DPF3: variants seen among roughly 807,000 people sequenced by gnomAD.
The protein encoded by DPF3 is zinc finger protein DPF3.
A neutral mutation model predicts 56.8 loss-of-function variants in DPF3; 18 were observed. That is an observed-to-expected ratio of 0.32 (90% CI 0.22 to 0.47). The LOEUF (loss-of-function observed/expected upper bound fraction) is 0.47. Ranked by LOEUF, DPF3 falls within the 20% of genes least tolerant of loss-of-function variation. The pLI, the probability that DPF3 is intolerant of heterozygous loss-of-function variation, is 1.00. For synonymous variants in DPF3, 188 were observed against 180.2 expected, an observed-to-expected ratio of 1.04 and a Z score of -0.35; for missense variants, 403 against 488.8, an observed-to-expected ratio of 0.82 and a Z score of 1.65.
At chr14:72,629,578 C>A in intron 9 of DPF3, 46 bp downstream of exon 9, 1 of 1,498,258 alleles carries the variant, frequency 6.7e-7, no homozygotes, top group African/African-American at 1.4e-5. Flanking sequence ...CAAAGGACCC[C>A]AGCTCTGTGG....
rs1473319662 is a variant in DPF3, at chr14:72,615,211, A to C, written c.*4086T>G. On this transcript the variant is annotated 3_prime_UTR_variant, in exon 11 of 11. Transcript: ENST00000556509. ...CCTGGGGGGCAGGGATGTGGTCCTC[A>C]GGGCCCGCCCTGGGCCACGGGCGGC... Among the ~76,000 whole-genome samples, 1 of 152,092 alleles carries C rather than the reference A, an allele frequency of 6.6e-6. No homozygotes were observed. The highest frequency in any genetic ancestry group is 6.5e-5 in the Admixed American group (1 of 15,284).
intron 8 of DPF3, among the ~76,000 whole-genome samples, chr14:72,630,021 G>A (rs149568258): frequency 1.3e-5 from 2 of 152,150 alleles, no homozygotes; most frequent in South Asian, 4.1e-4. Context: ...AATGATCAGA[G>A]AGAACGAGAG....
intron 3 of DPF3, among the ~76,000 whole-genome samples, chr14:72,743,096 G>C (rs1193630585): frequency 2.6e-5 from 4 of 152,188 alleles, no homozygotes; most frequent in East Asian, 3.8e-4. Context: ...TTCATCCCCA[G>C]TCATTGAAGG....
intron 8 of DPF3, among the ~76,000 whole-genome samples, chr14:72,642,627 T>C (rs371344847): frequency 6.6e-6 from 1 of 152,204 alleles, no homozygotes; most frequent in East Asian, 1.9e-4. Flanking sequence ...CCAACTTGTT[T>C]CCATGGCATG....
chr14:72,817,784 T>C (rs1030900287), intron 1 of DPF3, among the ~76,000 whole-genome samples: 2 of 152,214 alleles, frequency 1.3e-5, no homozygotes, highest in African/African-American at 4.8e-5. Context: ...CTAGGCTACA[T>C]AGCAATGGAG....
chr14:72,767,066 G>A (rs924961321), intron 2 of DPF3, among the ~76,000 whole-genome samples: 2 of 152,160 alleles, frequency 1.3e-5, no homozygotes, highest in Non-Finnish European at 2.9e-5. Context: ...GCAACAACAA[G>A]GTGTTCTTCC....
chr14:72,869,530 G>T (rs1885810523), intron 1 of DPF3, among the ~76,000 whole-genome samples: 1 of 152,118 alleles, frequency 6.6e-6, no homozygotes, highest in Non-Finnish European at 1.5e-5. Context: ...GCTTCTCCTG[G>T]TCATGGCCAC....
intron 4 of DPF3, among the ~76,000 whole-genome samples, chr14:72,726,937 C>T (rs1220646670): frequency 6.6e-6 from 1 of 152,140 alleles, no homozygotes; most frequent in African/African-American, 2.4e-5. Context: ...TTGCTGGCCC[C>T]ACATCCAATC....
chr14:72,780,771 T>A (rs1599434640), intron 1 of DPF3, among the ~76,000 whole-genome samples: 1 of 125,008 alleles, frequency 8.0e-6, no homozygotes, highest in East Asian at 2.4e-4. Context: ...ATTCTCCTTC[T>A]CTGAACTTTA....
At chr14:72,847,520 G>A (rs1349526984) in intron 1 of DPF3, among the ~76,000 whole-genome samples, 1 of 151,176 alleles carries the variant, frequency 6.6e-6, no homozygotes, top group Non-Finnish European at 1.5e-5. Flanking sequence ...TTTTTTCAGC[G>A]GGGGCAGGGG....
chr14:72,696,053 A>G (rs1887887290), intron 6 of DPF3, among the ~76,000 whole-genome samples: 2 of 152,200 alleles, frequency 1.3e-5, no homozygotes, highest in Admixed American at 1.3e-4. Context: ...CTTTTTAGAT[A>G]ATCTGAAGTT....
chr14:72,866,639 C>T (rs1885681096), intron 1 of DPF3, among the ~76,000 whole-genome samples: 1 of 150,464 alleles, frequency 6.6e-6, no homozygotes, highest in African/African-American at 2.4e-5. Flanking sequence ...GGCGGATCAC[C>T]TGAGGTTGGG....
chr14:72,649,660 T>TGGGGGTGGG (rs1885841590), intron 8 of DPF3, among the ~76,000 whole-genome samples: 2 of 61,084 alleles, frequency 3.3e-5, no homozygotes, highest in African/African-American at 1.0e-4. Context: ...CATCCCTGGG[T>TGGGGGTGGG]GGGGGGGGGG....
chr14:72,834,854 A>AT (rs1196763835), intron 1 of DPF3, among the ~76,000 whole-genome samples: 2 of 152,232 alleles, frequency 1.3e-5, no homozygotes, highest in Non-Finnish European at 2.9e-5. Flanking sequence ...ACAAGGGACT[A>AT]TTATTCAGCC....
At chr14:72,854,392 T>C (rs1456870522) in intron 1 of DPF3, among the ~76,000 whole-genome samples, 1 of 152,180 alleles carries the variant, frequency 6.6e-6, no homozygotes, top group Non-Finnish European at 1.5e-5. Flanking sequence ...ACAAATCATC[T>C]TTTATTCTCT....
intron 5 of DPF3, among the ~76,000 whole-genome samples, chr14:72,716,447 C>A (rs1355772785): frequency 1.3e-5 from 2 of 152,146 alleles, no homozygotes; most frequent in Non-Finnish European, 2.9e-5. Flanking sequence ...TCCTACTTGG[C>A]CTTCTCAAAT....
chr14:72,745,577 T>G (rs1890291785), intron 3 of DPF3, among the ~76,000 whole-genome samples: 1 of 152,208 alleles, frequency 6.6e-6, no homozygotes, highest in South Asian at 2.1e-4. Context: ...TAGGTACTAT[T>G]CATTGTACCT....
intron 7 of DPF3, among the ~76,000 whole-genome samples, chr14:72,691,317 A>T (rs1245250745): frequency 6.6e-6 from 1 of 152,194 alleles, no homozygotes; most frequent in East Asian, 1.9e-4. Context: ...AACCCATGGT[A>T]CCTCATACTG....
At chr14:72,679,555 G>A (rs1329721459) in intron 7 of DPF3, among the ~76,000 whole-genome samples, 2 of 152,216 alleles carry the variant, frequency 1.3e-5, no homozygotes, top group Non-Finnish European at 2.9e-5. Context: ...AGTGAGCAGA[G>A]CCCTCTGGGA....
Sources: allele counts gnomAD v4.1 joint callset (sites outside exome capture counted in the v4.1 genomes callset), GRCh38; gene constraint gnomAD v4.1.1; transcripts MANE v1.5; gene names NCBI Gene and HGNC (gene_info 2026-07-23, HGNC 2026-07-21).